ZNF736: variants seen among roughly 807,000 people sequenced by gnomAD.
ZNF736 encodes the protein zinc finger protein 736.
In ZNF736, 6 loss-of-function variants were observed where a neutral mutation model predicts 11.7. The observed-to-expected ratio is 0.51, with a 90% CI of 0.28 to 1.01. The LOEUF (loss-of-function observed/expected upper bound fraction) is 1.01. Among genes scored for constraint, ZNF736 ranks in the 50% least tolerant of loss-of-function variants. The probability of loss-of-function intolerance (pLI) is 0.09; values close to 1 mark genes in which losing one functional copy is unlikely to be tolerated. For missense variants in ZNF736, 444 were observed against 496.0 expected (o/e 0.90, Z 1.00); for synonymous variants, 139 against 164.7 (o/e 0.84, Z 1.19).
chr7:64,352,362 C>A lies in ZNF736; in HGVS notation c.*3215C>A, dbSNP rs1164042752. The A allele has an allele frequency of 6.6e-6, 1 of 152,214 alleles. No individual in the cohort carries two copies. The highest frequency in any genetic ancestry group is 1.5e-5 in the Non-Finnish European group (1 of 68,090). 9.4% of individuals were successfully genotyped at this position (152,214 alleles called of 1,614,324 possible). On this transcript the variant is annotated 3_prime_UTR_variant, in exon 4 of 4. Transcript: ENST00000423484. Reference sequence around the variant, plus strand: ...GCACCTGTAGGAGGTAGCTGGAAGCCCCTGTTGAAGGTCCTACCCAGTGAG... The same window carrying A: ...GCACCTGTAGGAGGTAGCTGGAAGCACCTGTTGAAGGTCCTACCCAGTGAG...
intron 2 of ZNF736, among the ~76,000 whole-genome samples, 172 bp downstream of exon 2, chr7:64,336,557 C>T (rs552547567): frequency 5.7e-4 from 86 of 152,182 alleles, no homozygotes; most frequent in African/African-American, 1.9e-3. Flanking sequence ...TTCATCTTAA[C>T]ATTAATCTTT....
In ZNF736 at chr7:64,356,580, ATTTAC is replaced by A. The variant is rs1338398265; in HGVS notation, c.*7436_*7440del. Reference sequence around the variant, plus strand: ...AATATAAACTAAGTTTACTTAAATTATTTACTTATTTAAGAAATCTAATTACATTT... The same window carrying A: ...AATATAAACTAAGTTTACTTAAATTATTATTTAAGAAATCTAATTACATTT... On this transcript the variant is annotated 3_prime_UTR_variant, in exon 4 of 4. Transcript: ENST00000423484. Among the ~76,000 whole-genome samples the A allele has an allele frequency of 2.0e-5, 3 of 152,086 alleles. No individual in the cohort carries two copies. Among genetic ancestry groups the A allele is most frequent in the Non-Finnish European group, 4.4e-5 (3 of 68,014 alleles).
At position 64,351,691 on chromosome 7, in the gene ZNF736, A is replaced by C. The variant is rs1417460867; in HGVS notation, c.*2544A>C. 6.6e-6 allele frequency: 1 copy of C among 152,240 alleles called. No homozygotes were observed. The highest frequency in any genetic ancestry group is 1.5e-5 in the Non-Finnish European group (1 of 68,084). 9.4% of individuals were successfully genotyped at this position (152,240 alleles called of 1,614,324 possible). On this transcript the variant is annotated 3_prime_UTR_variant, in exon 4 of 4. Coordinates refer to ENST00000423484, the MANE Select transcript of ZNF736 (RefSeq NM_001170905.3). ...TAGAGAAATGGCCATCACTGGCCAC[A>C]CTTTACTACAGATGCTCTTGCACCA...
chr7:64,331,532 G>GT (rs958979335), intron 1 of ZNF736, among the ~76,000 whole-genome samples: 8 of 152,108 alleles, frequency 5.3e-5, no homozygotes, highest in Non-Finnish European at 1.0e-4. Flanking sequence ...ACTCCCCAGA[G>GT]TTTTTTGCTC....
chr7:64,333,245 T>C (rs1353714709), intron 1 of ZNF736, among the ~76,000 whole-genome samples: 1 of 152,200 alleles, frequency 6.6e-6, no homozygotes, highest in African/African-American at 2.4e-5. Context: ...TTAACTCCTT[T>C]TTCACTTTTT....
At chr7:64,347,226 T>G (rs942396507) in intron 3 of ZNF736, among the ~76,000 whole-genome samples, 2 of 143,084 alleles carry the variant, frequency 1.4e-5, no homozygotes, top group African/African-American at 2.6e-5. Flanking sequence ...CCTTTTTTTT[T>G]TTTTTTTTTT....
chr7:64,345,435 A>G (rs571680435), intron 3 of ZNF736, among the ~76,000 whole-genome samples: 2 of 151,834 alleles, frequency 1.3e-5, no homozygotes, highest in Non-Finnish European at 2.9e-5. Flanking sequence ...GAGCATGCTC[A>G]AAAGTGTGTT....
At chr7:64,324,089 A>AT (rs1789044727) in intron 1 of ZNF736, among the ~76,000 whole-genome samples, 1 of 152,244 alleles carries the variant, frequency 6.6e-6, no homozygotes, top group East Asian at 1.9e-4. Context: ...TTCCTACCAC[A>AT]TATCCATTTT....
chr7:64,321,916 C>T (rs1021727726), intron 1 of ZNF736, among the ~76,000 whole-genome samples: 1 of 152,188 alleles, frequency 6.6e-6, no homozygotes, highest in African/African-American at 2.4e-5. Flanking sequence ...TGAACTTTGG[C>T]CTTTTTAATA....
rs1433179750 is a variant in ZNF736, at chr7:64,351,978, A to AT, written c.*2837dup. The AT allele has an allele frequency of 6.6e-6, 1 of 151,964 alleles. No individual in the cohort carries two copies. Among genetic ancestry groups the AT allele is most frequent in the Non-Finnish European group, 1.5e-5 (1 of 68,012 alleles). 9.4% of individuals were successfully genotyped at this position (151,964 alleles called of 1,614,324 possible). ...GTGAATAAGGCACTTAGGGTTTGGG[A>AT]TTTTTTATTAGTCTGAGGGTAGCAA... On this transcript the variant is annotated 3_prime_UTR_variant, in exon 4 of 4. Transcript: ENST00000423484.
chr7:64,343,516 A>G (rs752247648), intron 3 of ZNF736, among the ~76,000 whole-genome samples: 1 of 152,206 alleles, frequency 6.6e-6, no homozygotes, highest in African/African-American at 2.4e-5. Context: ...AATACATAAT[A>G]TACCCATGTA....
rs1182416998 is a variant in ZNF736 at position 64,354,519 on chromosome 7, T to G, written c.*5372T>G. 2 of 150,690 alleles carry G rather than the reference T, an allele frequency of 1.3e-5. No homozygotes were observed. The highest frequency in any genetic ancestry group is 3.0e-5 in the Non-Finnish European group (2 of 67,788). 9.3% of individuals were successfully genotyped at this position (150,690 alleles called of 1,614,324 possible). A position where few individuals can be genotyped will look rare whatever the true frequency, so the allele number is the denominator to read the frequency against. The stretch of plus-strand genomic sequence containing the variant: ...TATTAAATTCATTTATCTAAAATGT[T>G]ATTGCTCCTGGCTTAGAATCATCTT... On this transcript the variant is annotated 3_prime_UTR_variant, in exon 4 of 4. Coordinates refer to ENST00000423484, the MANE Select transcript of ZNF736 (RefSeq NM_001170905.3).
In ZNF736 at chr7:64,319,488, C is replaced by CTTTTTTT. The variant is rs1408764142; in HGVS notation, c.3+5335_3+5336insTTTTTTT. Among the ~76,000 whole-genome samples, 23 of 75,266 alleles carry CTTTTTTT rather than the reference C, an allele frequency of 3.1e-4. 9 individuals carry two copies. Among genetic ancestry groups the CTTTTTTT allele is most frequent in the African/African-American group, 7.1e-4 (13 of 18,366 alleles). 49.4% of individuals were successfully genotyped at this position (75,266 alleles called of 152,430 possible). A position where few individuals can be genotyped will look rare whatever the true frequency, so the allele number is the denominator to read the frequency against. ...CCAGGTAAATAGAAAACATTTCTTC[C>CTTTTTTT]CTTTTTTTTTTTTTTTTTTTTTTTT... On this transcript the variant is annotated intron_variant, in intron 1 of 3. Transcript: ENST00000423484.
Position 64,348,866 on chromosome 7 carries a change from C to G in ZNF736, c.1003C>G (p.His335Asp). The G allele has an allele frequency of 6.2e-7, 1 of 1,606,686 alleles. No homozygotes were observed. The highest frequency in any genetic ancestry group is 1.1e-5 in the South Asian group (1 of 90,244). Residue 335 changes from histidine (H) to aspartate (D), a missense_variant, in exon 4 of 4, where the codon CAT (histidine) becomes GAT (aspartate). Coordinates refer to ENST00000423484, the MANE Select transcript of ZNF736 (RefSeq NM_001170905.3). ...GGCCCTTAGTAAACATAAGAGAATT[C>G]ATACTGGAGAGAAACCCTACATCTG... ...FSALSKHKRI[H>D]TGEKPYICEE... is the part of the protein sequence containing the mutation.
intron 1 of ZNF736, among the ~76,000 whole-genome samples, chr7:64,324,595 A>G (rs540879612): frequency 6.6e-6 from 1 of 152,318 alleles, no homozygotes; most frequent in African/African-American, 2.4e-5. Context: ...CTCCATGCTC[A>G]CATTTCAGCC....
chr7:64,317,329 A>T (rs1339431615), intron 1 of ZNF736, among the ~76,000 whole-genome samples: 1 of 152,208 alleles, frequency 6.6e-6, no homozygotes, highest in East Asian at 1.9e-4. Flanking sequence ...ATGGGAGGTG[A>T]CACCTCACCA....
At chr7:64,337,213 G>T (rs1584272807) in intron 3 of ZNF736, 78 of 345,920 alleles carry the variant, frequency 2.3e-4, no homozygotes, top group Middle Eastern at 7.2e-4. Flanking sequence ...TTGTGTGTGT[G>T]TTTTGTTTTG....
At chr7:64,320,412 TAAAAAC>T (rs1788987427) in intron 1 of ZNF736, among the ~76,000 whole-genome samples, 2 of 152,160 alleles carry the variant, frequency 1.3e-5, no homozygotes, top group Non-Finnish European at 2.9e-5. Context: ...AATCAAATAA[TAAAAAC>T]AAATACATTA....
rs71060585 is a variant in ZNF736, at chr7:64,319,333, GTATATATATATATA to G, written c.3+5214_3+5227del. ...TATATGTATGTGTGTGTGTGTATGT[GTATATATATATATA>G]TATATATATATATATATATATATAT... On this transcript the variant is annotated intron_variant, in intron 1 of 3. Transcript: ENST00000423484. Among the ~76,000 whole-genome samples, 90 of 71,648 alleles carry G rather than the reference GTATATATATATATA, an allele frequency of 1.3e-3. 1 individual carries two copies. The highest frequency in any genetic ancestry group is 0.019 in the Middle Eastern group (2 of 108). 47.0% of individuals were successfully genotyped at this position (71,648 alleles called of 152,430 possible).
Sources: allele counts gnomAD v4.1 joint callset (sites outside exome capture counted in the v4.1 genomes callset), GRCh38; gene constraint gnomAD v4.1.1; transcripts MANE v1.5; gene names NCBI Gene and HGNC (gene_info 2026-07-23, HGNC 2026-07-21).